PPP2R2C: variants seen among roughly 807,000 people sequenced by gnomAD.
PPP2R2C encodes the protein protein phosphatase 2 regulatory subunit Bgamma.
PPP2R2C carries 10 observed loss-of-function variants against 45.3 expected under a neutral mutation model. That is an observed-to-expected ratio of 0.22 (90% CI 0.14 to 0.37). The LOEUF (loss-of-function observed/expected upper bound fraction) is 0.37, where lower values mean the gene tolerates loss of function less well. Ranked by LOEUF, PPP2R2C falls within the 10% of genes least tolerant of loss-of-function variation. PPP2R2C has a pLI of 1.00. For synonymous variants in PPP2R2C, 257 were observed against 245.4 expected (o/e 1.05, Z -0.44); for missense variants, 308 against 619.7 (o/e 0.50, Z 5.34).
At chr4:6,380,202 G>C (rs539457580) in intron 2 of PPP2R2C, 1 of 152,536 alleles carries the variant, frequency 6.6e-6, no homozygotes, top group African/African-American at 2.4e-5. Flanking sequence ...GCTTCTCTGA[G>C]TTTCCGCATC....
intron 2 of PPP2R2C, among the ~76,000 whole-genome samples, chr4:6,497,055 G>A (rs932858519): frequency 1.1e-4 from 16 of 151,974 alleles, no homozygotes; most frequent in African/African-American, 3.9e-4. Context: ...AAGTTCCATA[G>A]GCCTTTAAGG....
chr4:6,422,368 G>A (rs1267954397), intron 1 of PPP2R2C, among the ~76,000 whole-genome samples: 3 of 152,172 alleles, frequency 2.0e-5, no homozygotes, highest in Non-Finnish European at 2.9e-5. Context: ...CTGTGGCTCC[G>A]GCAAACGAGT....
Position 6,386,876 on chromosome 4 carries a change from C to T in PPP2R2C, c.71-5782G>A, listed in dbSNP as rs147858063. On this transcript the variant is annotated intron_variant, in intron 1 of 8. Transcript: ENST00000382599. ...TACTTCATGAAAGAATAAATCTCAG[C>T]AGAGAAATATAAACAATTTAAAAAA... 2.3e-3 allele frequency among the ~76,000 whole-genome samples: 353 copies of T among 151,996 alleles called. 2 individuals carry two copies. The highest frequency in any genetic ancestry group is 7.8e-3 in the African/African-American group (325 of 41,458).
At chr4:6,404,270 A>T (rs561957377) in intron 1 of PPP2R2C, among the ~76,000 whole-genome samples, 2 of 152,258 alleles carry the variant, frequency 1.3e-5, no homozygotes, top group African/African-American at 4.8e-5. Context: ...AGGTGCCTTG[A>T]TGTCCCTGAA....
chr4:6,346,280 G>C (rs776885889), intron 6 of PPP2R2C, among the ~76,000 whole-genome samples: 5 of 152,138 alleles, frequency 3.3e-5, no homozygotes, highest in Non-Finnish European at 7.4e-5. Context: ...AGCTCAGCCA[G>C]AACAAAACCC....
Position 6,322,177 on chromosome 4 carries a change from T to C in PPP2R2C, c.*1125A>G, listed in dbSNP as rs1229292909. ...CAAACCTTCCATTTGAATGTCGCTCTAACATGAGCCGCCCACGAGATGGAC... is the reference window on the plus strand; with the variant it reads ...CAAACCTTCCATTTGAATGTCGCTCCAACATGAGCCGCCCACGAGATGGAC... On this transcript the variant is annotated 3_prime_UTR_variant, in exon 9 of 9. Coordinates refer to ENST00000382599, the MANE Select transcript of PPP2R2C (RefSeq NM_020416.4). The surrounding 1 kb of genome is among the most constrained non-coding windows in gnomAD (Gnocchi z 7.8). 6.6e-6 allele frequency: 1 copy of C among 152,108 alleles called. No homozygotes were observed. Among genetic ancestry groups the C allele is most frequent in the African/African-American group, 2.4e-5 (1 of 41,404 alleles). 9.4% of individuals were successfully genotyped at this position (152,108 alleles called of 1,614,324 possible).
chr4:6,358,758 T>C (rs530986956), intron 5 of PPP2R2C, among the ~76,000 whole-genome samples: 27 of 152,230 alleles, frequency 1.8e-4, no homozygotes, highest in Non-Finnish European at 2.8e-4. Context: ...CTATCATCAC[T>C]GGTCATCAGA....
At chr4:6,456,456 T>A (rs1649877569) in intron 1 of PPP2R2C, among the ~76,000 whole-genome samples, 1 of 152,220 alleles carries the variant, frequency 6.6e-6, no homozygotes, top group African/African-American at 2.4e-5. Flanking sequence ...GGACACATTA[T>A]CATGATGGAT....
chr4:6,342,870 C>T (rs1158031333), intron 6 of PPP2R2C, among the ~76,000 whole-genome samples: 1 of 152,108 alleles, frequency 6.6e-6, no homozygotes, highest in African/African-American at 2.4e-5. Flanking sequence ...CACAGAGCTT[C>T]TCGGACCCTC....
At chr4:6,500,679 G>A (rs1365614404) in intron 2 of PPP2R2C, among the ~76,000 whole-genome samples, 1 of 152,212 alleles carries the variant, frequency 6.6e-6, no homozygotes, top group African/African-American at 2.4e-5. Flanking sequence ...GTTCATTTGA[G>A]CCAAGTCCTG....
Position 6,505,084 on chromosome 4 carries a change from T to C in PPP2R2C, c.49+30187A>G, listed in dbSNP as rs562162660. ...TGACACATTACAAACAAAAGAACAA[T>C]GACTTGATCCACTACTGACTTCTCA... On this transcript the variant is annotated intron_variant, in intron 2 of 9. Transcript: ENST00000506140. 6.7e-4 allele frequency among the ~76,000 whole-genome samples: 102 copies of C among 151,866 alleles called. 2 individuals carry two copies. In the South Asian group the frequency reaches 0.02, roughly 30 times the overall value.
intron 1 of PPP2R2C, among the ~76,000 whole-genome samples, chr4:6,404,419 G>GT: frequency 6.6e-6 from 1 of 152,324 alleles, no homozygotes; most frequent in African/African-American, 2.4e-5. Flanking sequence ...TTGGGGACGG[G>GT]TGCCAGCTGC....
intron 4 of PPP2R2C, among the ~76,000 whole-genome samples, chr4:6,375,465 C>T (rs1461063951): frequency 3.9e-5 from 6 of 152,298 alleles, no homozygotes; most frequent in Admixed American, 1.3e-4. Flanking sequence ...CCTACTCACT[C>T]AGCTGAGCAG....
chr4:6,514,134 C>T (rs780222221), intron 2 of PPP2R2C, among the ~76,000 whole-genome samples: 2 of 151,866 alleles, frequency 1.3e-5, no homozygotes, highest in African/African-American at 4.8e-5. Flanking sequence ...TCAGAAGGTA[C>T]AAAACCTGGT....
intron 8 of PPP2R2C, among the ~76,000 whole-genome samples, chr4:6,326,904 A>G (rs1731991342): frequency 6.6e-6 from 1 of 152,206 alleles, no homozygotes; most frequent in Non-Finnish European, 1.5e-5. Context: ...CACCAGGAAT[A>G]AGAGGGCAGC....
chr4:6,368,490 T>C lies in PPP2R2C; in HGVS notation c.625+4033A>G, dbSNP rs1045065728. On this transcript the variant is annotated intron_variant, in intron 5 of 8. Coordinates refer to ENST00000382599, the MANE Select transcript of PPP2R2C (RefSeq NM_020416.4). The surrounding 1 kb of genome is among the most constrained non-coding windows in gnomAD (Gnocchi z 4.2). Reference sequence around the variant, plus strand: ...TTAATAAATACCTGCTGGTAAATGGTGTGCTCTGCAACATGCGGACAGGGC... The same window carrying C: ...TTAATAAATACCTGCTGGTAAATGGCGTGCTCTGCAACATGCGGACAGGGC... Among the ~76,000 whole-genome samples the C allele has an allele frequency of 2.6e-5, 4 of 152,150 alleles. No individual in the cohort carries two copies. Among genetic ancestry groups the C allele is most frequent in the Non-Finnish European group, 5.9e-5 (4 of 68,034 alleles).
intron 5 of PPP2R2C, among the ~76,000 whole-genome samples, chr4:6,358,066 C>T (rs139538311): frequency 0.011 from 1,687 of 152,292 alleles, 38 homozygotes; most frequent in African/African-American, 0.039. Context: ...GGAGGCATCA[C>T]GCTACCTGAC....
chr4:6,342,081 TACAC>T (rs58305750), intron 6 of PPP2R2C, among the ~76,000 whole-genome samples: 44,426 of 139,264 alleles, frequency 0.32, 7,487 homozygotes, highest in Middle Eastern at 0.4. Context: ...TCTGCCACGA[TACAC>T]ACACACACAC....
At chr4:6,392,017 C>T (rs1716679468) in intron 1 of PPP2R2C, among the ~76,000 whole-genome samples, 1 of 152,184 alleles carries the variant, frequency 6.6e-6, no homozygotes, top group South Asian at 2.1e-4. Flanking sequence ...AGGAAATACA[C>T]TTAGTCATTC....
Sources: allele counts gnomAD v4.1 joint callset (sites outside exome capture counted in the v4.1 genomes callset), GRCh38; gene constraint gnomAD v4.1.1; non-coding constraint Gnocchi (gnomAD v3.1); transcripts MANE v1.5; gene names NCBI Gene and HGNC (gene_info 2026-07-23, HGNC 2026-07-21).